Variants in GIPC3 observed in about 807,000 individuals in gnomAD.
The protein encoded by GIPC3 is PDZ domain-containing protein GIPC3.
GIPC3 carries 16 observed loss-of-function variants against 27.3 expected under a neutral mutation model. The observed-to-expected ratio is 0.59, with a 90% CI of 0.40 to 0.89. The LOEUF is 0.89. Among genes scored for constraint, GIPC3 ranks in the 40% least tolerant of loss-of-function variants. The probability of loss-of-function intolerance (pLI) is 0.00; values close to 1 mark genes in which losing one functional copy is unlikely to be tolerated. For synonymous variants in GIPC3, 194 were observed against 184.6 expected (o/e 1.05, Z -0.41); for missense variants, 440 against 442.1 (o/e 1.00, Z 0.04).
chr19:3,591,169 G>A lies in GIPC3; in HGVS notation c.*979G>A. 4 of 1,233,248 alleles carry A rather than the reference G, an allele frequency of 3.2e-6. No homozygotes were observed. Among genetic ancestry groups the A allele is most frequent in the Non-Finnish European group, 3.0e-6 (3 of 988,842 alleles). 76.4% of individuals were successfully genotyped at this position (1,233,248 alleles called of 1,614,324 possible). A position where few individuals can be genotyped will look rare whatever the true frequency, so the allele number is the denominator to read the frequency against. On this transcript the variant is annotated 3_prime_UTR_variant, in exon 6 of 6. Transcript: ENST00000644452. ...CAGATAAGCTCTGAAACCAATCCCA[G>A]CATTGAGACCAAGCCCTGTTCTAGA...
In GIPC3 at chr19:3,592,533, C is replaced by T. The variant is rs748588902; in HGVS notation, c.*2343C>T. 1 of 1,208,296 alleles carries T rather than the reference C, an allele frequency of 8.3e-7. No individual in the cohort carries two copies. Among genetic ancestry groups the T allele is most frequent in the Non-Finnish European group, 1.0e-6 (1 of 975,682 alleles). 74.8% of individuals were successfully genotyped at this position (1,208,296 alleles called of 1,614,324 possible). Reference sequence around the variant, plus strand: ...AATTCAGCTCAGCCCTGGAGCTCATCTTAGCTCCAGAACCCAGTCCAGTCC... The same window carrying T: ...AATTCAGCTCAGCCCTGGAGCTCATTTTAGCTCCAGAACCCAGTCCAGTCC... On this transcript the variant is annotated 3_prime_UTR_variant, in exon 6 of 6. Coordinates refer to ENST00000644452, the MANE Select transcript of GIPC3 (RefSeq NM_133261.3).
chr19:3,592,186 C>T lies in GIPC3; in HGVS notation c.*1996C>T. 1 of 1,232,152 alleles carries T rather than the reference C, an allele frequency of 8.1e-7. No individual in the cohort carries two copies. Among genetic ancestry groups the T allele is most frequent in the Non-Finnish European group, 1.0e-6 (1 of 988,056 alleles). The allele number at this position is 1,232,152 out of a possible 1,614,324, so 76.3% of individuals were successfully genotyped here. ...TCCGACAGCAGGTCCAGCTCCAGGA[C>T]CCAGCGCTGCCCAGGAGCTCGACCA... On this transcript the variant is annotated 3_prime_UTR_variant, in exon 6 of 6. Coordinates refer to ENST00000644452, the MANE Select transcript of GIPC3 (RefSeq NM_133261.3).
At position 3,591,209 on chromosome 19, in the gene GIPC3, T is replaced by C; in HGVS notation, c.*1019T>C. On this transcript the variant is annotated 3_prime_UTR_variant, in exon 6 of 6. Transcript: ENST00000644452. ...CCTGTTCTAGAACTCAGGCCACCTC[T>C]GAGGCCAAACCCAGCTCTAGAACCC... 4 of 1,232,608 alleles carry C rather than the reference T, an allele frequency of 3.2e-6. No individual in the cohort carries two copies. The allele number at this position is 1,232,608 out of a possible 1,614,324, so 76.4% of individuals were successfully genotyped here. A position where few individuals can be genotyped will look rare whatever the true frequency, so the allele number is the denominator to read the frequency against.
Position 3,590,108 on chromosome 19 carries a change from T to A in GIPC3, c.857T>A (p.Val286Asp). The change falls in exon 6 of 6, where the codon GTC becomes GAC. Residue 286 changes from valine (V) to aspartate (D), a missense_variant. By Grantham distance (152) the Val-to-Asp change is radical (BLOSUM62 -3). Transcript: ENST00000644452. The stretch of plus-strand genomic sequence containing the variant: ...GAGTTTGCACGCTGTTTAGACTCCG[T>A]CTTGGGCGAGTTCGCCTTCCCCGAC... ...AQEFARCLDS[V>D]LGEFAFPDEF... 1 of 1,611,448 alleles carries A rather than the reference T, an allele frequency of 6.2e-7. No individual in the cohort carries two copies. Among genetic ancestry groups the A allele is most frequent in the Non-Finnish European group, 8.5e-7 (1 of 1,179,106 alleles).
In GIPC3 at chr19:3,591,951, G is replaced by A; in HGVS notation, c.*1761G>A. 1 of 1,232,260 alleles carries A rather than the reference G, an allele frequency of 8.1e-7. No individual in the cohort carries two copies. Among genetic ancestry groups the A allele is most frequent in the East Asian group, 3.2e-5 (1 of 31,698 alleles). The allele number at this position is 1,232,260 out of a possible 1,614,324, so 76.3% of individuals were successfully genotyped here. On this transcript the variant is annotated 3_prime_UTR_variant, in exon 6 of 6. Coordinates refer to ENST00000644452, the MANE Select transcript of GIPC3 (RefSeq NM_133261.3). ...TTTCAAGGCCTGGCCAAGCTCCAGAGCTCAATCCAGCCCAAGCACCGCACC... is the reference window on the plus strand; with the variant it reads ...TTTCAAGGCCTGGCCAAGCTCCAGAACTCAATCCAGCCCAAGCACCGCACC...
chr19:3,585,707 T>C lies in GIPC3; in HGVS notation c.110T>C (p.Leu37Pro). The change falls in exon 1 of 6, where the codon CTC becomes CCC. Residue 37 changes from leucine (L) to proline (P), a missense_variant. Coordinates refer to ENST00000644452, the MANE Select transcript of GIPC3 (RefSeq NM_133261.3). ...PPAAPRARPR[L>P]VFRTQLAHGS... Reference sequence around the variant, plus strand: ...GCCGCGCCCCGCGCCCGCCCGCGCCTCGTCTTCCGCACGCAGCTGGCGCAC... The same window carrying C: ...GCCGCGCCCCGCGCCCGCCCGCGCCCCGTCTTCCGCACGCAGCTGGCGCAC... The C allele has an allele frequency of 6.9e-7, 1 of 1,458,510 alleles. No individual in the cohort carries two copies. The highest frequency in any genetic ancestry group is 9.1e-7 in the Non-Finnish European group (1 of 1,098,720). The allele number at this position is 1,458,510 out of a possible 1,614,324, so 90.3% of individuals were successfully genotyped here.
Position 3,586,478 on chromosome 19 carries a change from C to A in GIPC3, c.226-17C>A, listed in dbSNP as rs1343740078. 3 of 1,612,004 alleles carry A rather than the reference C, an allele frequency of 1.9e-6. No homozygotes were observed. Among genetic ancestry groups the A allele is most frequent in the Non-Finnish European group, 2.5e-6 (3 of 1,179,484 alleles). ...TGCATGCCCTGGCTAACTCTAGGCT[C>A]CTTCTCCCCCGGGAAGATTTTATTC... On this transcript the variant is annotated splice_polypyrimidine_tract_variant and intron_variant, in intron 1 of 5. Transcript: ENST00000644452.
chr19:3,591,814 C>A lies in GIPC3; in HGVS notation c.*1624C>A. On this transcript the variant is annotated 3_prime_UTR_variant, in exon 6 of 6. Coordinates refer to ENST00000644452, the MANE Select transcript of GIPC3 (RefSeq NM_133261.3). Reference sequence around the variant, plus strand: ...ATTCAGACCAGCTCTGGAACCCCATCCATCTTGGAAGCAAGACCCAGCTCC... The same window carrying A: ...ATTCAGACCAGCTCTGGAACCCCATACATCTTGGAAGCAAGACCCAGCTCC... The A allele has an allele frequency of 4.1e-6, 5 of 1,233,674 alleles. No individual in the cohort carries two copies. The highest frequency in any genetic ancestry group is 5.1e-6 in the Non-Finnish European group (5 of 989,290). 76.4% of individuals were successfully genotyped at this position (1,233,674 alleles called of 1,614,324 possible). A position where few individuals can be genotyped will look rare whatever the true frequency, so the allele number is the denominator to read the frequency against.
intron 3 of GIPC3, among the ~76,000 whole-genome samples, chr19:3,587,695 C>CTT (rs1555704357): frequency 1.5e-5 from 2 of 131,218 alleles, no homozygotes; most frequent in African/African-American, 5.9e-5. Context: ...CTTTTCTTTT[C>CTT]TTTTTTTTTT....
chr19:3,593,096 G>A lies in GIPC3; in HGVS notation c.*2906G>A. On this transcript the variant is annotated 3_prime_UTR_variant, in exon 6 of 6. Coordinates refer to ENST00000644452, the MANE Select transcript of GIPC3 (RefSeq NM_133261.3). ...AGTCACAGGTCTCCTCAACCCCCCAGAAGCCAGCCGTCTCTCCCAAGCCCC... is the reference window on the plus strand; with the variant it reads ...AGTCACAGGTCTCCTCAACCCCCCAAAAGCCAGCCGTCTCTCCCAAGCCCC... 8.1e-7 allele frequency: 1 copy of A among 1,232,628 alleles called. No homozygotes were observed. Among genetic ancestry groups the A allele is most frequent in the Non-Finnish European group, 1.0e-6 (1 of 988,456 alleles). The allele number at this position is 1,232,628 out of a possible 1,614,324, so 76.4% of individuals were successfully genotyped here.
At chr19:3,586,040 G>T (rs912909364) in intron 1 of GIPC3, among the ~76,000 whole-genome samples, 2 of 152,166 alleles carry the variant, frequency 1.3e-5, no homozygotes, top group Non-Finnish European at 2.9e-5. Flanking sequence ...CAGGTCTTAG[G>T]ACTAGCGGAC....
chr19:3,587,548 C>G (rs745471076), intron 3 of GIPC3, among the ~76,000 whole-genome samples: 5 of 152,096 alleles, frequency 3.3e-5, no homozygotes, highest in Non-Finnish European at 7.4e-5. Flanking sequence ...TCCCAAAATG[C>G]TAGGATTATA....
chr19:3,587,470 C>G (rs968660785), intron 3 of GIPC3, among the ~76,000 whole-genome samples: 2 of 151,378 alleles, frequency 1.3e-5, no homozygotes, highest in Non-Finnish European at 2.9e-5. Context: ...TTAGTAGAGA[C>G]GGGGTTTCAC....
chr19:3,592,419 A>C lies in GIPC3; in HGVS notation c.*2229A>C, dbSNP rs987572022. 2.4e-6 allele frequency: 3 copies of C among 1,231,924 alleles called. No homozygotes were observed. Among genetic ancestry groups the C allele is most frequent in the Non-Finnish European group, 3.0e-6 (3 of 987,948 alleles). 76.3% of individuals were successfully genotyped at this position (1,231,924 alleles called of 1,614,324 possible). On this transcript the variant is annotated 3_prime_UTR_variant, in exon 6 of 6. Coordinates refer to ENST00000644452, the MANE Select transcript of GIPC3 (RefSeq NM_133261.3). ...CTCTGGAAGTCAGCTTAGTTCGGGA[A>C]CCCAGCTGATTTCCGGAGCCCAACC...
chr19:3,591,543 C>A lies in GIPC3; in HGVS notation c.*1353C>A. On this transcript the variant is annotated 3_prime_UTR_variant, in exon 6 of 6. Coordinates refer to ENST00000644452, the MANE Select transcript of GIPC3 (RefSeq NM_133261.3). ...AACCCATGTGAGATTCATGAAGCAG[C>A]CCAGCTCTGGAACCCCAGTCAGCTC... The A allele has an allele frequency of 8.1e-7, 1 of 1,232,890 alleles. No individual in the cohort carries two copies. Among genetic ancestry groups the A allele is most frequent in the Non-Finnish European group, 1.0e-6 (1 of 988,730 alleles). The allele number at this position is 1,232,890 out of a possible 1,614,324, so 76.4% of individuals were successfully genotyped here.
At chr19:3,589,734 C>A in intron 4 of GIPC3, 97 bp from the exon 5 acceptor site, 1 of 1,271,906 alleles carries the variant, frequency 7.9e-7, no homozygotes, top group South Asian at 1.2e-5. Context: ...GTGTGAGGGT[C>A]CAGTCTACTC....
At chr19:3,588,655 A>C (rs1445855030) in intron 3 of GIPC3, among the ~76,000 whole-genome samples, 2 of 151,570 alleles carry the variant, frequency 1.3e-5, no homozygotes. Context: ...AAAAAAAAAA[A>C]AAAACCTGGC....
chr19:3,585,848 A>G (rs1209550298), intron 1 of GIPC3, 26 bp downstream of exon 1: 3 of 1,534,312 alleles, frequency 2.0e-6, no homozygotes, highest in Admixed American at 2.0e-5. Flanking sequence ...ACCGGCGCCC[A>G]AGACCACCCG....
chr19:3,586,613 T>C lies in GIPC3; in HGVS notation c.344T>C (p.Val115Ala). ...HVRGETKEVE[V>A]TKTEDALGLT... is the part of the protein sequence containing the mutation. ...CGAGGCGAGACCAAGGAGGTGGAGG[T>C]CACTAAGACAGAGGATGCTCTGGGG... The change falls in exon 2 of 6, where the codon GTC (valine) becomes GCC (alanine). Residue 115 changes from valine (V) to alanine (A), a missense_variant. Physicochemically the swap from Val to Ala is moderately conservative, Grantham distance 64. Transcript: ENST00000644452. 1 of 1,597,774 alleles carries C rather than the reference T, an allele frequency of 6.3e-7. No individual in the cohort carries two copies. Among genetic ancestry groups the C allele is most frequent in the Non-Finnish European group, 8.5e-7 (1 of 1,172,374 alleles).
Sources: allele counts gnomAD v4.1 joint callset (sites outside exome capture counted in the v4.1 genomes callset), GRCh38; gene constraint gnomAD v4.1.1; transcripts MANE v1.5; gene names NCBI Gene and HGNC (gene_info 2026-07-23, HGNC 2026-07-21).